Variants in RASGRP2 observed in about 807,000 individuals in gnomAD.
RASGRP2 encodes RAS guanyl-releasing protein 2.
In RASGRP2, 44 loss-of-function variants were observed where a neutral mutation model predicts 71.0. The observed-to-expected ratio is 0.62, with a 90% CI of 0.49 to 0.80. The LOEUF is 0.80. Ranked by LOEUF, RASGRP2 falls within the 30% of genes least tolerant of loss-of-function variation. The pLI, the probability that RASGRP2 is intolerant of heterozygous loss-of-function variation, is 0.00. For missense variants in RASGRP2, 663 were observed against 813.4 expected, an observed-to-expected ratio of 0.82 and a Z score of 2.25; for synonymous variants, 350 against 330.7, an observed-to-expected ratio of 1.06 and a Z score of -0.63.
chr11:64,741,844 G>A (rs1338730057), intron 3 of RASGRP2, among the ~76,000 whole-genome samples, 166 bp downstream of exon 3: 1 of 152,192 alleles, frequency 6.6e-6, no homozygotes, highest in Non-Finnish European at 1.5e-5. Context: ...TAGGAGCAAG[G>A]AGGGGGCAGA....
chr11:64,740,288 G>A lies in RASGRP2; in HGVS notation c.372-125C>T, dbSNP rs118125685. 2.4e-3 allele frequency: 2,990 copies of A among 1,253,606 alleles called. 50 individuals are homozygous for A. In the East Asian group the frequency reaches 0.033, roughly 14 times the overall value. The allele number at this position is 1,253,606 out of a possible 1,614,324, so 77.7% of individuals were successfully genotyped here. A position where few individuals can be genotyped will look rare whatever the true frequency, so the allele number is the denominator to read the frequency against. On this transcript the variant is annotated intron_variant, in intron 5 of 16. Transcript: ENST00000394432. ...TAATGCGAGGCACTGTCCTAGGCAC[G>A]AATGTTCCCAGTCCCAGCAACTCCT...
At chr11:64,740,612 T>G (rs887306761) in intron 5 of RASGRP2, 39 of 655,562 alleles carry the variant, frequency 5.9e-5, no homozygotes, top group Non-Finnish European at 1.1e-4. Context: ...GGAGACTTCA[T>G]GCCTGAACTG....
At position 64,739,555 on chromosome 11, in the gene RASGRP2, G is replaced by T; in HGVS notation, c.697-79C>A. ...TTGGCCCAGCTTATCTAGAGAGAAG[G>T]CAGTGGGTTAGGGGAAGGGAAGGGT... On this transcript the variant is annotated intron_variant, in intron 7 of 16. Transcript: ENST00000394432. The surrounding 1 kb of genome is among the most constrained non-coding windows in gnomAD (Gnocchi z 4.2). 1.9e-6 allele frequency: 3 copies of T among 1,609,420 alleles called. No individual in the cohort carries two copies. The highest frequency in any genetic ancestry group is 1.7e-4 in the Middle Eastern group (1 of 6,052).
At chr11:64,730,896 A>T (rs958153986) in intron 12 of RASGRP2, among the ~76,000 whole-genome samples, 3 of 152,208 alleles carry the variant, frequency 2.0e-5, no homozygotes, top group Non-Finnish European at 4.4e-5. Context: ...ATGCATGTGA[A>T]GTTTTACAAC....
intron 9 of RASGRP2, 59 bp from the exon 10 acceptor site, chr11:64,736,039 G>A (rs2057927971): frequency 2.0e-6 from 3 of 1,465,724 alleles, no homozygotes; most frequent in East Asian, 2.3e-5. Context: ...CAGAGCCCAG[G>A]GCCAAAGGTC....
At chr11:64,741,543 G>A (rs1408080770) in intron 3 of RASGRP2, 42 bp from the exon 4 acceptor site, 2 of 1,501,132 alleles carry the variant, frequency 1.3e-6, no homozygotes, top group South Asian at 2.4e-5. Flanking sequence ...TCTAGAAAGG[G>A]AGGCCTGCGT....
rs927333850 is a variant in RASGRP2, at chr11:64,742,303, C to A, written c.74-191G>T. Among the ~76,000 whole-genome samples the A allele has an allele frequency of 6.6e-6, 1 of 152,070 alleles. No individual in the cohort carries two copies. Among genetic ancestry groups the A allele is most frequent in the African/African-American group, 2.4e-5 (1 of 41,406 alleles). ...AGGTGTGGTGGGCGAGAGATAGGCA[C>A]GCCCTGAGGACTGGAGGAGGGGAGC... On this transcript the variant is annotated intron_variant, in intron 2 of 16. Coordinates refer to ENST00000394432, the MANE Select transcript of RASGRP2 (RefSeq NM_001098671.2). The surrounding 1 kb of genome is among the most constrained non-coding windows in gnomAD (Gnocchi z 4.7).
intron 5 of RASGRP2, chr11:64,740,662 T>C (rs1469447171): frequency 1.5e-6 from 1 of 648,566 alleles, no homozygotes; most frequent in Non-Finnish European, 2.8e-6. Context: ...GGGGATGATA[T>C]GAGCAGAGCA....
chr11:64,727,251 C>A (rs551781055), intron 16 of RASGRP2, 45 bp downstream of exon 16: 138 of 1,551,246 alleles, frequency 8.9e-5, no homozygotes, highest in South Asian at 1.1e-4. Flanking sequence ...AGCTCCCCCC[C>A]AGCCCTCAGT....
rs1036161189 is a variant in RASGRP2, at chr11:64,742,329, G to A, written c.74-217C>T. ...GCCCTGAGGACTGGAGGAGGGGAGC[G>A]CCCGAGCCGCCCATCGTCCGGAGGG... is the stretch of plus-strand genomic sequence containing the variant. On this transcript the variant is annotated intron_variant, in intron 2 of 16. Coordinates refer to ENST00000394432, the MANE Select transcript of RASGRP2 (RefSeq NM_001098671.2). This position sits in a 1 kb window ranked among gnomAD's most constrained non-coding sequence, Gnocchi z 4.7. Among the ~76,000 whole-genome samples the A allele has an allele frequency of 5.3e-5, 8 of 152,110 alleles. No homozygotes were observed. Among genetic ancestry groups the A allele is most frequent in the Admixed American group, 2.0e-4 (3 of 15,288 alleles).
rs781003927 is a variant in RASGRP2 at position 64,740,166 on chromosome 11, G to T, written c.372-3C>A. 11 of 1,613,552 alleles carry T rather than the reference G, an allele frequency of 6.8e-6. No individual in the cohort carries two copies. Among genetic ancestry groups the T allele is most frequent in the African/African-American group, 1.3e-5 (1 of 74,968 alleles). On this transcript the variant is annotated splice_region_variant and splice_polypyrimidine_tract_variant and intron_variant, in intron 5 of 16. Coordinates refer to ENST00000394432, the MANE Select transcript of RASGRP2 (RefSeq NM_001098671.2). Reference sequence around the variant, plus strand: ...GCCGCTTCCACTTGTAGGTAGGGCTGGGGGGGCAGGGGTAGTGAGCCCTTT... The same window carrying T: ...GCCGCTTCCACTTGTAGGTAGGGCTTGGGGGGCAGGGGTAGTGAGCCCTTT...
Position 64,727,291 on chromosome 11 carries a change from C to T in RASGRP2, c.*6+5G>A, listed in dbSNP as rs1325000493. ...AGCTCTGGTGCCAGCTGTGGGAGGACTCACCATCTATTACAAGTGGATGTC... is the reference window on the plus strand; with the variant it reads ...AGCTCTGGTGCCAGCTGTGGGAGGATTCACCATCTATTACAAGTGGATGTC... On this transcript the variant is annotated splice_donor_5th_base_variant and intron_variant, in intron 16 of 16. Transcript: ENST00000394432. 6.2e-7 allele frequency: 1 copy of T among 1,613,464 alleles called. No individual in the cohort carries two copies. Among genetic ancestry groups the T allele is most frequent in the Non-Finnish European group, 8.5e-7 (1 of 1,179,472 alleles).
At chr11:64,730,252 G>A in intron 12 of RASGRP2, 58 bp from the exon 13 acceptor site, 1 of 1,547,686 alleles carries the variant, frequency 6.5e-7, no homozygotes, top group Non-Finnish European at 8.7e-7. Context: ...ATCCACCGCT[G>A]GCCTAACCCA....
chr11:64,732,414 T>C (rs946605241), intron 12 of RASGRP2, among the ~76,000 whole-genome samples: 2 of 152,174 alleles, frequency 1.3e-5, no homozygotes, highest in African/African-American at 4.8e-5. Flanking sequence ...ATCCCAGAAC[T>C]TCGGGAGGCC....
In RASGRP2 at chr11:64,730,108, T is replaced by C. The variant is rs1461514749; in HGVS notation, c.1499A>G (p.Asn500Ser). 1 of 1,550,844 alleles carries C rather than the reference T, an allele frequency of 6.4e-7. No individual in the cohort carries two copies. Among genetic ancestry groups the C allele is most frequent in the East Asian group, 2.4e-5 (1 of 40,944 alleles). The part of the protein sequence containing the change: ...VLGGRMGFVH[N>S]FQESNSLRPV... Reference sequence around the variant, plus strand: ...GCGCAAGGAGTTGCTCTCCTGGAAGTTGTGTACGAAGCCCATGCGCCCCCC... The same window carrying C: ...GCGCAAGGAGTTGCTCTCCTGGAAGCTGTGTACGAAGCCCATGCGCCCCCC... The change falls in exon 13 of 17, where the codon AAC becomes AGC. Residue 500 changes from asparagine to serine, a missense_variant. Asn to Ser is a conservative substitution (Grantham distance 46, BLOSUM62 1). Coordinates refer to ENST00000394432, the MANE Select transcript of RASGRP2 (RefSeq NM_001098671.2).
Position 64,739,913 on chromosome 11 carries a change from G to A in RASGRP2, c.522+100C>T. ...CTTCAGTGGTTACACTGAAACCCCT[G>A]ATGCACCCTGTGACCCAGCCTACGC... On this transcript the variant is annotated intron_variant, in intron 6 of 16. Coordinates refer to ENST00000394432, the MANE Select transcript of RASGRP2 (RefSeq NM_001098671.2). The surrounding 1 kb of genome is among the most constrained non-coding windows in gnomAD (Gnocchi z 4.2). 1 of 1,607,394 alleles carries A rather than the reference G, an allele frequency of 6.2e-7. No individual in the cohort carries two copies. The highest frequency in any genetic ancestry group is 8.5e-7 in the Non-Finnish European group (1 of 1,176,616).
At position 64,744,137 on chromosome 11, in the gene RASGRP2, G is replaced by A; in HGVS notation, c.-206C>T. The stretch of plus-strand genomic sequence containing the variant: ...TCCTCACACGTGTGCACACACGCAA[G>A]GCAGTGCCTCTCCACGCATGTACAC... On this transcript the variant is annotated 5_prime_UTR_variant, in exon 1 of 17. Transcript: ENST00000394432. 1.3e-5 allele frequency: 13 copies of A among 987,018 alleles called. No homozygotes were observed. Among genetic ancestry groups the A allele is most frequent in the Non-Finnish European group, 1.6e-5 (13 of 830,314 alleles). 61.1% of individuals were successfully genotyped at this position (987,018 alleles called of 1,614,324 possible).
Position 64,742,761 on chromosome 11 carries a change from C to T in RASGRP2, c.73+33G>A, listed in dbSNP as rs1446656808. On this transcript the variant is annotated intron_variant, in intron 2 of 16. Transcript: ENST00000394432. The surrounding 1 kb of genome is among the most constrained non-coding windows in gnomAD (Gnocchi z 4.7). ...ACCCGGGCTCAGACTCGGGGCTAGG[C>T]TCAGGCTCCGTGTGCCCTCCCGAGC... 1.3e-6 allele frequency: 2 copies of T among 1,584,736 alleles called. No individual in the cohort carries two copies. The highest frequency in any genetic ancestry group is 1.3e-5 in the African/African-American group (1 of 74,426).
At chr11:64,729,978 C>T (rs1366642372) in intron 13 of RASGRP2, 75 bp downstream of exon 13, 8 of 1,376,622 alleles carry the variant, frequency 5.8e-6, no homozygotes, top group Non-Finnish European at 7.8e-6. Flanking sequence ...CTGGCAGAGG[C>T]GGGGCCAGAA....
Sources: allele counts gnomAD v4.1 joint callset (sites outside exome capture counted in the v4.1 genomes callset), GRCh38; gene constraint gnomAD v4.1.1; non-coding constraint Gnocchi (gnomAD v3.1); transcripts MANE v1.5; gene names NCBI Gene and HGNC (gene_info 2026-07-23, HGNC 2026-07-21).